The following VSTM5 variants were observed in gnomAD, a reference collection of about 807,000 sequenced individuals.
VSTM5 encodes the protein V-set and transmembrane domain-containing protein 5.
Under a neutral mutation model 20.3 loss-of-function variants are expected in VSTM5, and 21 were observed. The ratio of observed to expected loss-of-function variants is 1.03; its 90% CI spans 0.73 to 1.49. The LOEUF is 1.49. Ranked by LOEUF, VSTM5 falls within the 40% of genes most tolerant of loss-of-function variation. The pLI, the probability that VSTM5 is intolerant of heterozygous loss-of-function variation, is 0.00. For synonymous variants in VSTM5, 100 were observed against 102.5 expected (o/e 0.98, Z 0.14); for missense variants, 219 against 250.0 (o/e 0.88, Z 0.84).
chr11:93,831,967 C>G (rs1042799175), intron 1 of VSTM5, among the ~76,000 whole-genome samples: 2 of 152,152 alleles, frequency 1.3e-5, no homozygotes, highest in East Asian at 3.9e-4. Context: ...ATGGGTGGAA[C>G]CTGCTTGGAT....
intron 1 of VSTM5, among the ~76,000 whole-genome samples, chr11:93,830,184 G>A (rs983878497): frequency 6.6e-6 from 1 of 152,156 alleles, no homozygotes. Flanking sequence ...CAGGACCCAC[G>A]AGGATGTTCA....
rs945058564 is a variant in VSTM5, at chr11:93,850,598, G to A, written c.-96C>T. On this transcript the variant is annotated 5_prime_UTR_variant, in exon 1 of 4. Coordinates refer to ENST00000409977, the MANE Select transcript of VSTM5 (RefSeq NM_001144871.2). ...CTCTCTTCCTCCGCCTCTGGCTGCCGCAGGTTCTTTAGGGCCAGATGCAGA... is the reference window on the plus strand; with the variant it reads ...CTCTCTTCCTCCGCCTCTGGCTGCCACAGGTTCTTTAGGGCCAGATGCAGA... 8 of 801,178 alleles carry A rather than the reference G, an allele frequency of 1.0e-5. No individual in the cohort carries two copies. Among genetic ancestry groups the A allele is most frequent in the East Asian group, 4.4e-5 (1 of 22,526 alleles). 49.6% of individuals were successfully genotyped at this position (801,178 alleles called of 1,614,324 possible).
intron 1 of VSTM5, among the ~76,000 whole-genome samples, chr11:93,822,659 T>A (rs986213720): frequency 6.6e-6 from 1 of 152,098 alleles, no homozygotes; most frequent in East Asian, 1.9e-4. Flanking sequence ...TTTTTTTGCA[T>A]TAATAGTTTT....
At chr11:93,839,212 G>A (rs958993084) in intron 1 of VSTM5, among the ~76,000 whole-genome samples, 3 of 152,356 alleles carry the variant, frequency 2.0e-5, no homozygotes, top group Non-Finnish European at 4.4e-5. Flanking sequence ...CAAGAGACAG[G>A]CTGCTTCCTG....
chr11:93,825,071 A>C (rs1041030984), intron 1 of VSTM5, among the ~76,000 whole-genome samples: 5 of 152,068 alleles, frequency 3.3e-5, no homozygotes, highest in African/African-American at 9.7e-5. Flanking sequence ...TAGCTTTGTA[A>C]TTTACTTTGA....
Position 93,819,318 on chromosome 11 carries a change from T to G in VSTM5, c.*1251A>C, listed in dbSNP as rs995031429. On this transcript the variant is annotated 3_prime_UTR_variant, in exon 4 of 4. Coordinates refer to ENST00000409977, the MANE Select transcript of VSTM5 (RefSeq NM_001144871.2). The stretch of plus-strand genomic sequence containing the variant: ...TGGAAAATAAATCCATGCCTGCTTT[T>G]AGAGCTTGTCAAATGGAAGTTGGGA... 9 of 152,240 alleles carry G rather than the reference T, an allele frequency of 5.9e-5. No homozygotes were observed. Among genetic ancestry groups the G allele is most frequent in the Non-Finnish European group, 1.3e-4 (9 of 68,060 alleles). The allele number at this position is 152,240 out of a possible 1,614,324, so 9.4% of individuals were successfully genotyped here. A position where few individuals can be genotyped will look rare whatever the true frequency, so the allele number is the denominator to read the frequency against.
intron 1 of VSTM5, among the ~76,000 whole-genome samples, chr11:93,836,929 C>A (rs1363272900): frequency 6.6e-6 from 1 of 151,360 alleles, no homozygotes; most frequent in African/African-American, 2.4e-5. Context: ...AGCACAGGAT[C>A]AGAACTTTGG....
chr11:93,818,975 C>T lies in VSTM5; in HGVS notation c.*1594G>A, dbSNP rs1944156121. The T allele has an allele frequency of 6.6e-6, 1 of 152,152 alleles. No individual in the cohort carries two copies. The highest frequency in any genetic ancestry group is 1.5e-5 in the Non-Finnish European group (1 of 68,040). The allele number at this position is 152,152 out of a possible 1,614,324, so 9.4% of individuals were successfully genotyped here. ...CCGTTGTGTAGACCAACTGCTGTCG[C>T]CTTTTGAATCAAGCAGTGCCTTGGG... On this transcript the variant is annotated 3_prime_UTR_variant, in exon 4 of 4. Coordinates refer to ENST00000409977, the MANE Select transcript of VSTM5 (RefSeq NM_001144871.2).
In VSTM5 at chr11:93,846,624, T is replaced by C. The variant is rs181165089; in HGVS notation, c.91+3788A>G. On this transcript the variant is annotated intron_variant, in intron 1 of 3. Coordinates refer to ENST00000409977, the MANE Select transcript of VSTM5 (RefSeq NM_001144871.2). ...GGGTCTGGCTAAGTAAAAAGCAGCA[T>C]ATTTATATGATGACATATGTAGAGA... Among the ~76,000 whole-genome samples the C allele has an allele frequency of 2.8e-3, 428 of 152,228 alleles. 5 individuals carry two copies. The highest frequency in any genetic ancestry group is 9.8e-3 in the African/African-American group (409 of 41,540).
At chr11:93,841,435 A>G (rs964849625) in intron 1 of VSTM5, among the ~76,000 whole-genome samples, 1 of 151,962 alleles carries the variant, frequency 6.6e-6, no homozygotes, top group African/African-American at 2.4e-5. Context: ...TGGACAACTC[A>G]CTCAAGGCTT....
rs1302891049 is a variant in VSTM5, at chr11:93,820,840, A to C, written c.462T>G (p.Ala154=). The change falls in exon 3 of 4, where the codon GCT becomes GCG. Residue 154 remains alanine (A), a synonymous_variant. Coordinates refer to ENST00000409977, the MANE Select transcript of VSTM5 (RefSeq NM_001144871.2). The part of the protein sequence containing the change: ...EDLHFVAVIL[A]FLAAVAAVLI... ...ATACTGCGGCCACAGCAGCGAGAAA[A>C]GCAAGGATGACAGCGACAAAGTGCA... The C allele has an allele frequency of 9.7e-6, 15 of 1,550,730 alleles. No homozygotes were observed. The highest frequency in any genetic ancestry group is 1.7e-6 in the Non-Finnish European group (2 of 1,147,006).
intron 1 of VSTM5, among the ~76,000 whole-genome samples, chr11:93,832,939 G>C (rs1000424132): frequency 1.3e-5 from 2 of 152,182 alleles, no homozygotes; most frequent in Non-Finnish European, 2.9e-5. Flanking sequence ...AATAGCACAT[G>C]GCTCAGTGCT....
At chr11:93,822,789 C>G (rs1330590553) in intron 1 of VSTM5, among the ~76,000 whole-genome samples, 1 of 152,160 alleles carries the variant, frequency 6.6e-6, no homozygotes, top group Non-Finnish European at 1.5e-5. Context: ...ATGCCCAGCT[C>G]GTATCTCTAC....
chr11:93,839,203 A>G (rs1342663256), intron 1 of VSTM5, among the ~76,000 whole-genome samples: 3 of 152,240 alleles, frequency 2.0e-5, no homozygotes, highest in Non-Finnish European at 4.4e-5. Flanking sequence ...TGGTGGCCCC[A>G]AGAGACAGGC....
At chr11:93,831,487 C>T (rs1944284288) in intron 1 of VSTM5, among the ~76,000 whole-genome samples, 1 of 152,210 alleles carries the variant, frequency 6.6e-6, no homozygotes, top group South Asian at 2.1e-4. Context: ...CTGCCCTGGG[C>T]ACACAGTTCA....
At chr11:93,822,726 T>C (rs551804021) in intron 1 of VSTM5, among the ~76,000 whole-genome samples, 10 of 151,826 alleles carry the variant, frequency 6.6e-5, no homozygotes, top group African/African-American at 1.2e-4. Flanking sequence ...CTGGCCTCAA[T>C]TGATCTGCCT....
At chr11:93,827,046 C>A (rs974075808) in intron 1 of VSTM5, among the ~76,000 whole-genome samples, 2 of 152,142 alleles carry the variant, frequency 1.3e-5, no homozygotes, top group Non-Finnish European at 1.5e-5. Flanking sequence ...AGGAACAAAG[C>A]GGTTTCTCCT....
Position 93,821,197 on chromosome 11 carries a change from C to T in VSTM5, c.218G>A (p.Trp73Ter), listed in dbSNP as rs745427099. Residue 73 changes from tryptophan (W) to a stop codon, truncating the protein, a stop_gained, in exon 2 of 4, where the codon TGG becomes TAG. Coordinates refer to ENST00000409977, the MANE Select transcript of VSTM5 (RefSeq NM_001144871.2). LOFTEE classifies it high-confidence loss of function. ...PTIEWTYSSN[W>*]GTQKIVEWKP... Reference sequence around the variant, plus strand: ...CCACTCCACGATCTTCTGCGTTCCCCAATTGGATGAATATGTCCATTCGAT... The same window carrying T: ...CCACTCCACGATCTTCTGCGTTCCCTAATTGGATGAATATGTCCATTCGAT... 4.5e-6 allele frequency: 7 copies of T among 1,552,148 alleles called. No individual in the cohort carries two copies. The East Asian group carries it at 1.7e-4, about 38-fold the overall frequency.
chr11:93,819,650 CGTGAA>C lies in VSTM5; in HGVS notation c.*914_*918del, dbSNP rs1565297978. On this transcript the variant is annotated 3_prime_UTR_variant, in exon 4 of 4. Transcript: ENST00000409977. ...GAGAGGGCAAGGGCCTGACTTGAGA[CGTGAA>C]GTGTTAGTGACTGAGGGGGACAGAT... 6.6e-6 allele frequency: 1 copy of C among 152,274 alleles called. No homozygotes were observed. Among genetic ancestry groups the C allele is most frequent in the Non-Finnish European group, 1.5e-5 (1 of 68,122 alleles). 9.4% of individuals were successfully genotyped at this position (152,274 alleles called of 1,614,324 possible).
Sources: gnomAD v4.1 joint callset for allele counts (sites outside exome capture counted in the v4.1 genomes callset) on GRCh38, gnomAD v4.1.1 for gene constraint, MANE v1.5 for transcripts, NCBI Gene and HGNC (gene_info 2026-07-23, HGNC 2026-07-21) for gene names.